The following CIITA variants were observed in gnomAD, a reference collection of about 807,000 sequenced individuals.
The protein encoded by CIITA is MHC class II transactivator.
CIITA carries 72 observed loss-of-function variants against 115.1 expected under a neutral mutation model. The ratio of observed to expected loss-of-function variants is 0.63; its 90% CI spans 0.52 to 0.76. The LOEUF is 0.76. Ranked by LOEUF, CIITA falls within the 30% of genes least tolerant of loss-of-function variation. CIITA has a pLI of 0.00. For synonymous variants in CIITA, 763 were observed against 635.6 expected (o/e 1.20, Z -3.02); for missense variants, 1,617 against 1,463.8 (o/e 1.10, Z -1.71).
In CIITA at chr16:10,923,585, G is replaced by C. The variant is rs920719182; in HGVS notation, c.*22+260G>C. Among the ~76,000 whole-genome samples, 5 of 152,182 alleles carry C rather than the reference G, an allele frequency of 3.3e-5. No homozygotes were observed. Among genetic ancestry groups the C allele is most frequent in the Admixed American group, 6.5e-5 (1 of 15,290 alleles). On this transcript the variant is annotated intron_variant, in intron 19 of 19. Coordinates refer to ENST00000324288, the MANE Select transcript of CIITA (RefSeq NM_000246.4). This position sits in a 1 kb window ranked among gnomAD's most constrained non-coding sequence, Gnocchi z 5.2. ...TGGCCATCCACATCCCACAGCCTCA[G>C]TGCTTGGAAGAGCTTCCTTTGGGGA...
rs2041000837 is a variant in CIITA at position 10,935,823 on chromosome 16, C to A, written c.*11968C>A. 1 of 152,188 alleles carries A rather than the reference C, an allele frequency of 6.6e-6. No homozygotes were observed. The highest frequency in any genetic ancestry group is 2.1e-4 in the South Asian group (1 of 4,826). 9.4% of individuals were successfully genotyped at this position (152,188 alleles called of 1,614,324 possible). A position where few individuals can be genotyped will look rare whatever the true frequency, so the allele number is the denominator to read the frequency against. ...AAATTGAGAGACAGTTTACAAAACA[C>A]CAGCCTTGTACTCTGCTTAATATGT... On this transcript the variant is annotated 3_prime_UTR_variant, in exon 20 of 20. Coordinates refer to ENST00000324288, the MANE Select transcript of CIITA (RefSeq NM_000246.4).
intron 1 of CIITA, among the ~76,000 whole-genome samples, chr16:10,871,066 G>C (rs550038106): frequency 6.6e-6 from 1 of 152,386 alleles, no homozygotes; most frequent in African/African-American, 2.4e-5. Flanking sequence ...CAGACAGCCT[G>C]AGTGCCTGTC....
intron 1 of CIITA, among the ~76,000 whole-genome samples, chr16:10,882,829 G>A (rs944305260): frequency 5.3e-5 from 8 of 150,956 alleles, no homozygotes; most frequent in African/African-American, 9.8e-5. Context: ...CCCAGGAGGC[G>A]GAGATTGCGG....
At chr16:10,878,590 T>C (rs2036073256) in intron 1 of CIITA, among the ~76,000 whole-genome samples, 1 of 152,206 alleles carries the variant, frequency 6.6e-6, no homozygotes, top group African/African-American at 2.4e-5. Flanking sequence ...CCATGTGCCC[T>C]CGGAGGTGGT....
At chr16:10,892,498 G>T (rs1343770428) in intron 1 of CIITA, among the ~76,000 whole-genome samples, 1 of 152,160 alleles carries the variant, frequency 6.6e-6, no homozygotes, top group South Asian at 2.1e-4. Context: ...CCTCCAGGAA[G>T]CTCCCTCTGT....
intron 9 of CIITA, among the ~76,000 whole-genome samples, chr16:10,904,285 G>A (rs373231932): frequency 2.6e-5 from 4 of 152,032 alleles, no homozygotes; most frequent in Admixed American, 6.5e-5. Flanking sequence ...GCAGTGGTGC[G>A]ATCTCAGATC....
At chr16:10,917,477 TG>T (rs1334633869) in intron 15 of CIITA, among the ~76,000 whole-genome samples, 1 of 124,818 alleles carries the variant, frequency 8.0e-6, no homozygotes, top group Non-Finnish European at 1.7e-5. Context: ...CCTGGTTCAA[TG>T]GGATTTTTTT....
At chr16:10,896,163 A>G (rs1052760708) in intron 3 of CIITA, among the ~76,000 whole-genome samples, 3 of 149,672 alleles carry the variant, frequency 2.0e-5, no homozygotes, top group African/African-American at 7.3e-5. Context: ...GGATACTCAT[A>G]GTATGCTCAT....
downstream of CIITA, chr16:10,940,194 A>G (rs114783216): frequency 1.1e-3 from 165 of 152,266 alleles, no homozygotes; most frequent in African/African-American, 3.7e-3. The surrounding 1 kb of genome is among the most constrained non-coding windows in gnomAD (Gnocchi z 4.2). Context: ...TGTCTCCTCA[A>G]ACTTCATATG....
rs2041006122 is a variant in CIITA at position 10,935,956 on chromosome 16, C to T, written c.*12101C>T. The T allele has an allele frequency of 1.3e-5, 2 of 151,812 alleles. No individual in the cohort carries two copies. The highest frequency in any genetic ancestry group is 3.9e-4 in the East Asian group (2 of 5,178). The allele number at this position is 151,812 out of a possible 1,614,324, so 9.4% of individuals were successfully genotyped here. On this transcript the variant is annotated 3_prime_UTR_variant, in exon 20 of 20. Transcript: ENST00000324288. ...ATTGCATCTTGGACCTCAACTCTCCCCTTTTTATTGTTAAGGGACACTACT... is the reference window on the plus strand; with the variant it reads ...ATTGCATCTTGGACCTCAACTCTCCTCTTTTTATTGTTAAGGGACACTACT...
At chr16:10,868,490 C>T (rs1231578561) in intron 1 of CIITA, among the ~76,000 whole-genome samples, 1 of 152,210 alleles carries the variant, frequency 6.6e-6, no homozygotes, top group Non-Finnish European at 1.5e-5. Flanking sequence ...TGGTTTCCAT[C>T]GTCTATTGGA....
In CIITA at chr16:10,927,754, C is replaced by T. The variant is rs772595420; in HGVS notation, c.*3899C>T. 6.6e-5 allele frequency: 10 copies of T among 152,158 alleles called. No homozygotes were observed. Among genetic ancestry groups the T allele is most frequent in the Admixed American group, 2.0e-4 (3 of 15,272 alleles). The allele number at this position is 152,158 out of a possible 1,614,324, so 9.4% of individuals were successfully genotyped here. On this transcript the variant is annotated 3_prime_UTR_variant, in exon 20 of 20. Transcript: ENST00000324288. ...TAAGATGTGGATAAATTACTGTCTC[C>T]GTGTCACAGATCTAAGTGATACTTA... is the stretch of plus-strand genomic sequence containing the variant.
At position 10,907,686 on chromosome 16, in the gene CIITA, G is replaced by A. The variant is rs1459665245; in HGVS notation, c.2194G>A (p.Glu732Lys). The part of the protein sequence containing the change: ...LALSGEIKDK[E>K]LPQYLALTPR... ...TCTGAGTGGCGAAATCAAGGACAAG[G>A]AGCTCCCGCAGTACCTAGCATTGAC... The change falls in exon 11 of 20, where the codon GAG becomes AAG. Residue 732 changes from glutamate to lysine, a missense_variant. Transcript: ENST00000324288. The surrounding 1 kb of genome is among the most constrained non-coding windows in gnomAD (Gnocchi z 5.0). 6.2e-7 allele frequency: 1 copy of A among 1,614,114 alleles called. No homozygotes were observed. Among genetic ancestry groups the A allele is most frequent in the Admixed American group, 1.7e-5 (1 of 60,014 alleles).
intron 1 of CIITA, among the ~76,000 whole-genome samples, chr16:10,882,501 G>C (rs776807130): frequency 6.6e-6 from 1 of 152,184 alleles, no homozygotes; most frequent in African/African-American, 2.4e-5. Flanking sequence ...GGTCAAGGCA[G>C]GATGATGGCT....
chr16:10,909,255 A>C, intron 12 of CIITA, 68 bp downstream of exon 12: 34 of 1,551,538 alleles, frequency 2.2e-5, no homozygotes, highest in Non-Finnish European at 2.8e-5. Context: ...ACCCATTCTC[A>C]AGTTTGTCAT....
chr16:10,883,086 C>G (rs1003695250), intron 1 of CIITA, among the ~76,000 whole-genome samples: 16 of 152,112 alleles, frequency 1.1e-4, no homozygotes, highest in African/African-American at 3.9e-4. Flanking sequence ...CGTGGTTCAT[C>G]TTGGGGTCTC....
intron 3 of CIITA, among the ~76,000 whole-genome samples, chr16:10,897,801 C>T (rs537412536): frequency 6.6e-6 from 1 of 152,276 alleles, no homozygotes; most frequent in Middle Eastern, 3.4e-3. Context: ...TCATTATTAT[C>T]ACCATCATTA....
At position 10,901,685 on chromosome 16, in the gene CIITA, A is replaced by G. The variant is rs1411797810; in HGVS notation, c.481+127A>G. ...GTGCAGCCCCTGCCCTTCTTTGGGT[A>G]GAGGCTGAGAGCTTGGGGTCCCTTA... On this transcript the variant is annotated intron_variant, in intron 6 of 19. Coordinates refer to ENST00000324288, the MANE Select transcript of CIITA (RefSeq NM_000246.4). The surrounding 1 kb of genome is among the most constrained non-coding windows in gnomAD (Gnocchi z 6.8). 6.7e-6 allele frequency: 7 copies of G among 1,040,086 alleles called. No homozygotes were observed. The South Asian group carries it at 9.5e-5, about 14-fold the overall frequency. 64.4% of individuals were successfully genotyped at this position (1,040,086 alleles called of 1,614,324 possible).
chr16:10,901,551 G>A lies in CIITA; in HGVS notation c.474G>A (p.Trp158Ter). The A allele has an allele frequency of 6.2e-7, 1 of 1,614,020 alleles. No homozygotes were observed. The highest frequency in any genetic ancestry group is 2.2e-5 in the East Asian group (1 of 44,878). Residue 158 changes from tryptophan (W) to a stop codon, truncating the protein, a stop_gained, in exon 6 of 20, where the codon TGG (tryptophan) becomes TGA (stop). Transcript: ENST00000324288. LOFTEE classifies it high-confidence loss of function. This position sits in a 1 kb window ranked among gnomAD's most constrained non-coding sequence, Gnocchi z 6.8. ...AGCTTCCGGCAGACCTGAAGCACTG[G>A]AAGCCAGGTGTGCAGGGCAGGTGGG... Reference protein sequence around the residue: ...PEELPADLKHWKPAEPPTVVT... With the variant: ...PEELPADLKH
Sources: allele counts gnomAD v4.1 joint callset (sites outside exome capture counted in the v4.1 genomes callset), GRCh38; gene constraint gnomAD v4.1.1; non-coding constraint Gnocchi (gnomAD v3.1); transcripts MANE v1.5; gene names NCBI Gene and HGNC (gene_info 2026-07-23, HGNC 2026-07-21).